COBL: variants seen among roughly 807,000 people sequenced by gnomAD.
COBL encodes the protein protein cordon-bleu.
A neutral mutation model predicts 98.8 loss-of-function variants in COBL; 51 were observed. That is an observed-to-expected ratio of 0.52 (90% CI 0.41 to 0.65). The LOEUF (loss-of-function observed/expected upper bound fraction) is 0.65, where lower values mean the gene tolerates loss of function less well. Among genes scored for constraint, COBL ranks in the 30% least tolerant of loss-of-function variants. The pLI, the probability that COBL is intolerant of heterozygous loss-of-function variation, is 0.00. For missense variants in COBL, 1,617 were observed against 1,617.5 expected, an observed-to-expected ratio of 1.00 and a Z score of 0.01; for synonymous variants, 634 against 651.7, an observed-to-expected ratio of 0.97 and a Z score of 0.41.
chr7:51,313,089 T>C (rs1474402423), intron 1 of COBL, among the ~76,000 whole-genome samples: 1 of 152,246 alleles, frequency 6.6e-6, no homozygotes, highest in East Asian at 1.9e-4. Context: ...AAGTAATATC[T>C]TTTAAAAATA....
chr7:51,255,990 C>A (rs1463505206), intron 1 of COBL, among the ~76,000 whole-genome samples: 1 of 152,124 alleles, frequency 6.6e-6, no homozygotes, highest in African/African-American at 2.4e-5. Flanking sequence ...AGCCTTCTCT[C>A]CACCAAAAGC....
chr7:51,152,403 T>C (rs1785647102), intron 5 of COBL, among the ~76,000 whole-genome samples: 1 of 152,230 alleles, frequency 6.6e-6, no homozygotes, highest in Non-Finnish European at 1.5e-5. Context: ...GGTTCACTTT[T>C]GTCCCATCCT....
At chr7:51,151,873 C>A (rs1157366049) in intron 5 of COBL, among the ~76,000 whole-genome samples, 5 of 152,238 alleles carry the variant, frequency 3.3e-5, no homozygotes, top group Middle Eastern at 3.2e-3. Context: ...ACCCCACGGA[C>A]AAGCCAGGGT....
Position 51,316,614 on chromosome 7 carries a change from G to T in COBL, c.20C>A (p.Ser7Ter). Residue 7 changes from serine to a stop codon, truncating the protein, a stop_gained, in exon 1 of 13, where the codon TCG (serine) becomes TAG (stop). Transcript: ENST00000265136. LOFTEE classifies it high-confidence loss of function. ...TTACCCGGTCGGGGGCTTGGCCGCC[G>T]AGGCGCGCGGCGCGTCCATGGTGCC... MDAPRA[S>*]AAKPPTGRKM... is the part of the protein sequence containing the mutation. 1.7e-6 allele frequency: 2 copies of T among 1,203,374 alleles called. No homozygotes were observed. The highest frequency in any genetic ancestry group is 1.0e-6 in the Non-Finnish European group (1 of 969,676). The allele number at this position is 1,203,374 out of a possible 1,614,324, so 74.5% of individuals were successfully genotyped here.
chr7:51,184,367 C>T (rs923079273), intron 4 of COBL, among the ~76,000 whole-genome samples, 168 bp from the exon 5 acceptor site: 7 of 152,206 alleles, frequency 4.6e-5, no homozygotes, highest in South Asian at 4.1e-4. Context: ...CACTTCAAGT[C>T]CTCAGGTCCA....
intron 8 of COBL, among the ~76,000 whole-genome samples, chr7:51,038,257 C>T (rs1220647058): frequency 1.3e-5 from 2 of 152,182 alleles, no homozygotes; most frequent in Non-Finnish European, 2.9e-5. Flanking sequence ...ATGGAGCCCA[C>T]CAATGCTGCC....
chr7:51,063,971 A>C (rs1791645525), intron 7 of COBL, among the ~76,000 whole-genome samples: 1 of 152,326 alleles, frequency 6.6e-6, no homozygotes, highest in Admixed American at 6.5e-5. Flanking sequence ...CCAAACCCTG[A>C]GTCCATGCAG....
intron 1 of COBL, among the ~76,000 whole-genome samples, chr7:51,296,874 T>C (rs552796423): frequency 6.6e-6 from 1 of 152,312 alleles, no homozygotes; most frequent in East Asian, 1.9e-4. Flanking sequence ...ACTCAGGTCT[T>C]TTCAACTAAA....
rs73316871 is a variant in COBL, at chr7:51,193,934, T to G, written c.246-345A>C. Among the ~76,000 whole-genome samples, 1,276 of 152,306 alleles carry G rather than the reference T, an allele frequency of 8.4e-3. 19 individuals carry two copies. Among genetic ancestry groups the G allele is most frequent in the African/African-American group, 0.029 (1,196 of 41,570 alleles). ...TACAAGACACTAAATTTTCAGTTAT[T>G]CAGAAATATAATGTATCTTTTTGAT... is the stretch of plus-strand genomic sequence containing the variant. On this transcript the variant is annotated intron_variant, in intron 2 of 12. Coordinates refer to ENST00000265136, the MANE Select transcript of COBL (RefSeq NM_015198.5).
intron 1 of COBL, among the ~76,000 whole-genome samples, chr7:51,282,300 ATAT>A (rs1799883805): frequency 6.6e-6 from 1 of 152,088 alleles, no homozygotes; most frequent in Non-Finnish European, 1.5e-5. Flanking sequence ...TAAAAGACAG[ATAT>A]TATTTAACTA....
intron 1 of COBL, among the ~76,000 whole-genome samples, chr7:51,235,646 C>G (rs1170034134): frequency 6.6e-6 from 1 of 152,196 alleles, no homozygotes; most frequent in Non-Finnish European, 1.5e-5. Flanking sequence ...TGCCCACCAC[C>G]CACGGCTTCC....
intron 6 of COBL, among the ~76,000 whole-genome samples, chr7:51,130,127 G>A (rs1239967950): frequency 6.6e-6 from 1 of 152,160 alleles, no homozygotes; most frequent in Non-Finnish European, 1.5e-5. Context: ...ATCAAGGTGG[G>A]TCTAAAGAGT....
intron 6 of COBL, among the ~76,000 whole-genome samples, chr7:51,094,083 T>C (rs750926869): frequency 3.6e-4 from 54 of 152,024 alleles, no homozygotes; most frequent in Non-Finnish European, 6.3e-4. Context: ...TGTGACATCA[T>C]GGGTGGAACT....
chr7:51,279,923 T>C (rs1234759700), intron 1 of COBL, among the ~76,000 whole-genome samples: 2 of 152,320 alleles, frequency 1.3e-5, no homozygotes. Context: ...GGTTTTTCCA[T>C]GTCTTTCTAT....
intron 1 of COBL, among the ~76,000 whole-genome samples, chr7:51,233,011 CA>C (rs1794913028): frequency 1.3e-5 from 2 of 152,072 alleles, no homozygotes; most frequent in African/African-American, 4.8e-5. Flanking sequence ...TTTAACCACA[CA>C]TAATGGTCAT....
intron 5 of COBL, among the ~76,000 whole-genome samples, chr7:51,157,954 T>C (rs1402547397): frequency 1.3e-5 from 2 of 152,220 alleles, no homozygotes; most frequent in Non-Finnish European, 2.9e-5. Context: ...ATACAAAATA[T>C]GCTCTGTGTT....
chr7:51,150,670 C>G (rs1008209266), intron 5 of COBL, among the ~76,000 whole-genome samples: 24 of 152,282 alleles, frequency 1.6e-4, no homozygotes, highest in African/African-American at 5.8e-4. Flanking sequence ...CAGGTTGACA[C>G]AACTACTTCG....
At chr7:51,241,589 A>T (rs1419266288) in intron 1 of COBL, among the ~76,000 whole-genome samples, 2 of 152,236 alleles carry the variant, frequency 1.3e-5, no homozygotes, top group Non-Finnish European at 2.9e-5. Flanking sequence ...TTTTTTAAAA[A>T]AATAAAAGTC....
chr7:51,161,016 C>T (rs1478336754), intron 5 of COBL, among the ~76,000 whole-genome samples: 1 of 151,814 alleles, frequency 6.6e-6, no homozygotes, highest in Non-Finnish European at 1.5e-5. Context: ...TCTAAAGGTA[C>T]AAGCTAAATT....
Sources: allele counts gnomAD v4.1 joint callset (sites outside exome capture counted in the v4.1 genomes callset), GRCh38; gene constraint gnomAD v4.1.1; transcripts MANE v1.5; gene names NCBI Gene and HGNC (gene_info 2026-07-23, HGNC 2026-07-21).